GPR146: variants seen among roughly 807,000 people sequenced by gnomAD.
GPR146 encodes G-protein coupled receptor 146.
For synonymous variants in GPR146, 203 were observed against 104.3 expected, an observed-to-expected ratio of 1.95 and a Z score of -5.77; for missense variants, 381 against 213.9, an observed-to-expected ratio of 1.78 and a Z score of -4.87.
intron 1 of GPR146, among the ~76,000 whole-genome samples, chr7:1,053,355 A>G (rs915963045): frequency 9.2e-5 from 14 of 152,244 alleles, no homozygotes; most frequent in African/African-American, 3.4e-4. Context: ...TGCGCAGGAC[A>G]GGACCCCGGC....
At chr7:1,046,161 A>G (rs1782560265) in intron 1 of GPR146, among the ~76,000 whole-genome samples, 1 of 152,186 alleles carries the variant, frequency 6.6e-6, no homozygotes, top group Non-Finnish European at 1.5e-5. Flanking sequence ...CGGAAGAGGG[A>G]CATGCTGCTC....
chr7:1,053,182 C>T (rs141680723), intron 1 of GPR146, among the ~76,000 whole-genome samples: 107 of 150,218 alleles, frequency 7.1e-4, no homozygotes, highest in African/African-American at 2.5e-3. Flanking sequence ...CGGGAGACCA[C>T]GGACAGGCAA....
In GPR146 at chr7:1,044,566, C is replaced by T. The variant is rs13310340; in HGVS notation, c.-117C>T. On this transcript the variant is annotated 5_prime_UTR_variant, in exon 1 of 2. Transcript: ENST00000444847. Reference sequence around the variant, plus strand: ...CCGACGGTCACGTGTGTACACAGGGCCCGGGCGGCGTGCGCGCCGTGAGCC... The same window carrying T: ...CCGACGGTCACGTGTGTACACAGGGTCCGGGCGGCGTGCGCGCCGTGAGCC... 1 of 150,788 alleles carries T rather than the reference C, an allele frequency of 6.6e-6. No individual in the cohort carries two copies. The highest frequency in any genetic ancestry group is 1.5e-5 in the Non-Finnish European group (1 of 67,584). 9.3% of individuals were successfully genotyped at this position (150,788 alleles called of 1,614,324 possible).
chr7:1,057,418 CT>C (rs1057171176), intron 1 of GPR146, 73 bp from the exon 2 acceptor site: 19 of 630,442 alleles, frequency 3.0e-5, no homozygotes, highest in African/African-American at 2.9e-4. Context: ...GAAGGCACCC[CT>C]GTACCTGCAG....
At chr7:1,053,719 C>T (rs1473869864) in intron 1 of GPR146, among the ~76,000 whole-genome samples, 3 of 152,132 alleles carry the variant, frequency 2.0e-5, no homozygotes, top group African/African-American at 4.8e-5. Flanking sequence ...CCCAGCTATT[C>T]GGGAGGCTGA....
Position 1,059,133 on chromosome 7 carries a change from T to C in GPR146, c.*616T>C, listed in dbSNP as rs1413511197. 5.9e-6 allele frequency: 1 copy of C among 168,612 alleles called. No homozygotes were observed. The highest frequency in any genetic ancestry group is 1.4e-5 in the Non-Finnish European group (1 of 69,266). 10.4% of individuals were successfully genotyped at this position (168,612 alleles called of 1,614,324 possible). A position where few individuals can be genotyped will look rare whatever the true frequency, so the allele number is the denominator to read the frequency against. On this transcript the variant is annotated 3_prime_UTR_variant, in exon 2 of 2. Coordinates refer to ENST00000444847, the MANE Select transcript of GPR146 (RefSeq NM_001303473.2). ...TGACGCGCTCTCCTCAGCCACCAAA[T>C]GTCCCTGACACCCTCCCCAGCCCCC...
At chr7:1,050,434 AGGATCCT>A (rs1782994092) in intron 1 of GPR146, among the ~76,000 whole-genome samples, 1 of 152,236 alleles carries the variant, frequency 6.6e-6, no homozygotes, top group Non-Finnish European at 1.5e-5. Context: ...AAGCCAACCA[AGGATCCT>A]GTCCCATCGG....
In GPR146 at chr7:1,057,488, G is replaced by A. The variant is rs148939680; in HGVS notation, c.-24-4G>A. On this transcript the variant is annotated splice_region_variant and splice_polypyrimidine_tract_variant and intron_variant, in intron 1 of 1. Coordinates refer to ENST00000444847, the MANE Select transcript of GPR146 (RefSeq NM_001303473.2). ...AGCTGACCACCTGTTCCTTCTTTCC[G>A]CAGGGTCGCGGAGCCTCGCCGGCCG... The A allele has an allele frequency of 3.7e-3, 2,693 of 737,750 alleles. 11 individuals carry two copies. Among genetic ancestry groups the A allele is most frequent in the Non-Finnish European group, 6.0e-3 (2,404 of 399,564 alleles). 45.7% of individuals were successfully genotyped at this position (737,750 alleles called of 1,614,324 possible). A position where few individuals can be genotyped will look rare whatever the true frequency, so the allele number is the denominator to read the frequency against.
rs73048381 is a variant in GPR146 at position 1,049,070 on chromosome 7, G to T, written c.-25+4412G>T. Among the ~76,000 whole-genome samples, 2,789 of 152,306 alleles carry T rather than the reference G, an allele frequency of 0.018. 110 individuals carry two copies. The East Asian group carries it at 0.19, about 10-fold the overall frequency. Reference sequence around the variant, plus strand: ...CTGAGCGTGCGCTCCCCAGGCCTCCGCGGTCTGACCCTGTGCTACCCATGC... The same window carrying T: ...CTGAGCGTGCGCTCCCCAGGCCTCCTCGGTCTGACCCTGTGCTACCCATGC... On this transcript the variant is annotated intron_variant, in intron 1 of 1. Transcript: ENST00000444847.
chr7:1,047,482 C>T (rs753545551), intron 1 of GPR146, among the ~76,000 whole-genome samples: 12 of 152,262 alleles, frequency 7.9e-5, no homozygotes, highest in East Asian at 1.9e-4. Context: ...AAGCTCTCCA[C>T]GTGGAAACCC....
intron 1 of GPR146, chr7:1,055,339 CTGA>C (rs753367322): frequency 4.0e-5 from 19 of 471,110 alleles, no homozygotes; most frequent in South Asian, 2.8e-4. Context: ...AGGCGCGCTG[CTGA>C]TAAGAGCCTG....
chr7:1,047,312 C>T (rs1198854760), intron 1 of GPR146, among the ~76,000 whole-genome samples: 6 of 152,226 alleles, frequency 3.9e-5, no homozygotes, highest in Non-Finnish European at 8.8e-5. Flanking sequence ...GAGGCATTCT[C>T]TTTGTTTATA....
At chr7:1,047,776 T>G (rs1002974403) in intron 1 of GPR146, among the ~76,000 whole-genome samples, 1 of 152,172 alleles carries the variant, frequency 6.6e-6, no homozygotes. Context: ...GCTCTAAAGC[T>G]TCAACAACTG....
Position 1,057,555 on chromosome 7 carries a change from G to T in GPR146, c.40G>T (p.Glu14Ter). 1 of 773,966 alleles carries T rather than the reference G, an allele frequency of 1.3e-6. No homozygotes were observed. The highest frequency in any genetic ancestry group is 1.4e-5 in the South Asian group (1 of 73,900). 47.9% of individuals were successfully genotyped at this position (773,966 alleles called of 1,614,324 possible). ...CTGGTTCAACGGCACAGGGCTGGTG[G>T]AGGAGCTGCCTGCCTGCCAGGACCT... Reference protein sequence around the residue: ...CSWFNGTGLVEELPACQDLQL... With the variant: ...CSWFNGTGLV The change falls in exon 2 of 2, where the codon GAG becomes TAG. Residue 14 changes from glutamate to a stop codon, truncating the protein, a stop_gained. Transcript: ENST00000444847. LOFTEE classifies it low-confidence loss of function (END_TRUNC).
chr7:1,053,334 G>A (rs1179034740), intron 1 of GPR146, among the ~76,000 whole-genome samples: 2 of 152,234 alleles, frequency 1.3e-5, no homozygotes, highest in Non-Finnish European at 2.9e-5. Context: ...CCACAGTAGA[G>A]CCCAGAACCT....
At chr7:1,046,441 C>G (rs4723801) in intron 1 of GPR146, among the ~76,000 whole-genome samples, 25,327 of 152,218 alleles carry the variant, frequency 0.17, 2,222 homozygotes, top group Admixed American at 0.22. Flanking sequence ...AGGGCTTTCA[C>G]TAACCCACCT....
Position 1,055,182 on chromosome 7 carries a change from C to T in GPR146, c.-24-2310C>T, listed in dbSNP as rs534532317. On this transcript the variant is annotated intron_variant, in intron 1 of 1. Coordinates refer to ENST00000444847, the MANE Select transcript of GPR146 (RefSeq NM_001303473.2). ...TTTGCAGTGCGGTCCCGTCCAAGCACGGCCCCTCGTTTCTGGAACCCGGCT... is the reference window on the plus strand; with the variant it reads ...TTTGCAGTGCGGTCCCGTCCAAGCATGGCCCCTCGTTTCTGGAACCCGGCT... 528 of 465,936 alleles carry T rather than the reference C, an allele frequency of 1.1e-3. 2 individuals carry two copies. Among genetic ancestry groups the T allele is most frequent in the Non-Finnish European group, 1.9e-3 (429 of 224,566 alleles). 28.9% of individuals were successfully genotyped at this position (465,936 alleles called of 1,614,324 possible). A position where few individuals can be genotyped will look rare whatever the true frequency, so the allele number is the denominator to read the frequency against.
At chr7:1,055,714 G>A (rs1413267461) in intron 1 of GPR146, among the ~76,000 whole-genome samples, 6 of 152,224 alleles carry the variant, frequency 3.9e-5, no homozygotes, top group South Asian at 2.1e-4. Flanking sequence ...GAAGGTGGCC[G>A]GCCGGGTGTG....
chr7:1,056,025 C>G (rs1783714938), intron 1 of GPR146: 1 of 152,976 alleles, frequency 6.5e-6, no homozygotes, highest in African/African-American at 2.4e-5. Context: ...TCCTCTGGAC[C>G]CTGGCGCAGC....
Sources: gnomAD v4.1 joint callset for allele counts (sites outside exome capture counted in the v4.1 genomes callset) on GRCh38, gnomAD v4.1.1 for gene constraint, MANE v1.5 for transcripts, NCBI Gene and HGNC (gene_info 2026-07-23, HGNC 2026-07-21) for gene names.